Variants in TMEM196 observed in about 807,000 individuals in gnomAD.
TMEM196 encodes the protein transmembrane protein 196.
In TMEM196, 17 loss-of-function variants were observed where a neutral mutation model predicts 20.0. The observed-to-expected ratio is 0.85, with a 90% CI of 0.58 to 1.27. The LOEUF (loss-of-function observed/expected upper bound fraction) is 1.27, where lower values mean the gene tolerates loss of function less well. Ranked by LOEUF, TMEM196 falls within the 50% of genes most tolerant of loss-of-function variation. The pLI is 0.00. For synonymous variants in TMEM196, 113 were observed against 88.9 expected, an observed-to-expected ratio of 1.27 and a Z score of -1.52; for missense variants, 267 against 223.0, an observed-to-expected ratio of 1.20 and a Z score of -1.26.
chr7:19,763,132 A>G (rs1785497331), intron 1 of TMEM196, among the ~76,000 whole-genome samples: 1 of 152,092 alleles, frequency 6.6e-6, no homozygotes, highest in Non-Finnish European at 1.5e-5. Flanking sequence ...TTTTTATCCT[A>G]CTTCTGTTAC....
chr7:19,752,025 T>A (rs1370632980), intron 1 of TMEM196, among the ~76,000 whole-genome samples: 1 of 152,240 alleles, frequency 6.6e-6, no homozygotes, highest in East Asian at 1.9e-4. Flanking sequence ...CCAAAGGAAG[T>A]CTTCGAAATG....
At chr7:19,739,105 T>C (rs764645767) in intron 1 of TMEM196, among the ~76,000 whole-genome samples, 3 of 152,102 alleles carry the variant, frequency 2.0e-5, no homozygotes, top group East Asian at 1.9e-4. Context: ...GTGTTATACA[T>C]TGGAGCAGAG....
chr7:19,760,741 A>G (rs1785403699), intron 1 of TMEM196, among the ~76,000 whole-genome samples: 1 of 152,144 alleles, frequency 6.6e-6, no homozygotes, highest in Admixed American at 6.5e-5. Flanking sequence ...TTTTTTAATT[A>G]AGCAGCAGAA....
At chr7:19,729,256 GT>G (rs11401553) in intron 2 of TMEM196, 125 bp downstream of exon 2, 11,605 of 428,564 alleles carry the variant, frequency 0.027, no homozygotes, top group Middle Eastern at 0.036. Flanking sequence ...TTATTTGTCA[GT>G]TTTTTTTTTT....
intron 1 of TMEM196, among the ~76,000 whole-genome samples, chr7:19,761,241 ATTTC>A (rs1314898681): frequency 6.6e-6 from 1 of 152,114 alleles, no homozygotes; most frequent in Non-Finnish European, 1.5e-5. Flanking sequence ...TCCTATTTAT[ATTTC>A]TTTCTTTTCT....
chr7:19,757,896 A>G (rs990799468), intron 1 of TMEM196, among the ~76,000 whole-genome samples: 2 of 151,944 alleles, frequency 1.3e-5, no homozygotes, highest in Non-Finnish European at 2.9e-5. Flanking sequence ...ACCTTTTTAA[A>G]CATATAGGAT....
At chr7:19,740,839 A>G (rs746913944) in intron 1 of TMEM196, among the ~76,000 whole-genome samples, 1 of 152,186 alleles carries the variant, frequency 6.6e-6, no homozygotes, top group Non-Finnish European at 1.5e-5. Flanking sequence ...AGAGTAGTTT[A>G]TAAGAATTGA....
rs574150409 is a variant in TMEM196, at chr7:19,746,471, C to T, written c.148-17033G>A. ...TTTTCGAAGAATTGGAGTTCAGTGA[C>T]GTATATGTGGCACTATGTAATTCAT... On this transcript the variant is annotated intron_variant, in intron 1 of 4. Coordinates refer to ENST00000405844, the MANE Select transcript of TMEM196 (RefSeq NM_001363562.2). 4.6e-5 allele frequency among the ~76,000 whole-genome samples: 7 copies of T among 152,296 alleles called. No homozygotes were observed. The East Asian group carries it at 5.8e-4, about 13-fold the overall frequency.
intron 1 of TMEM196, among the ~76,000 whole-genome samples, chr7:19,733,054 G>A (rs539690901): frequency 1.3e-4 from 19 of 151,916 alleles, no homozygotes; most frequent in African/African-American, 4.6e-4. Flanking sequence ...TATTTGCGTT[G>A]ATCTTACTGT....
chr7:19,731,579 G>T (rs111846948), intron 1 of TMEM196, among the ~76,000 whole-genome samples: 1 of 152,158 alleles, frequency 6.6e-6, no homozygotes, highest in African/African-American at 2.4e-5. Flanking sequence ...GAACTCATTC[G>T]AAAAGAATTT....
At chr7:19,726,642 T>G (rs1043185532) in intron 2 of TMEM196, among the ~76,000 whole-genome samples, 3 of 152,022 alleles carry the variant, frequency 2.0e-5, no homozygotes, top group Non-Finnish European at 2.9e-5. Context: ...GCTAGGGGGG[T>G]TTAATCAACA....
In TMEM196 at chr7:19,720,779, A is replaced by T. The variant is rs950517511; in HGVS notation, c.*1349T>A. 9.9e-5 allele frequency: 15 copies of T among 151,876 alleles called. No individual in the cohort carries two copies. The highest frequency in any genetic ancestry group is 3.6e-4 in the African/African-American group (15 of 41,436). 9.4% of individuals were successfully genotyped at this position (151,876 alleles called of 1,614,324 possible). Reference sequence around the variant, plus strand: ...GATCTTTGGATATAGGCTTTCTTATATATGGACTGCCTATATTATTTCATG... The same window carrying T: ...GATCTTTGGATATAGGCTTTCTTATTTATGGACTGCCTATATTATTTCATG... On this transcript the variant is annotated 3_prime_UTR_variant, in exon 5 of 5. Coordinates refer to ENST00000405844, the MANE Select transcript of TMEM196 (RefSeq NM_001363562.2).
At chr7:19,764,432 T>A (rs1408720547) in intron 1 of TMEM196, among the ~76,000 whole-genome samples, 2 of 152,156 alleles carry the variant, frequency 1.3e-5, no homozygotes, top group Non-Finnish European at 2.9e-5. Context: ...CATGAACATG[T>A]CTCACCCTAA....
intron 1 of TMEM196, among the ~76,000 whole-genome samples, chr7:19,733,442 A>T (rs1369009832): frequency 1.3e-5 from 2 of 152,178 alleles, no homozygotes; most frequent in South Asian, 4.1e-4. Context: ...GTCTGACACT[A>T]TGTCACCTGT....
chr7:19,727,033 A>G (rs1266182268), intron 2 of TMEM196, among the ~76,000 whole-genome samples: 1 of 152,168 alleles, frequency 6.6e-6, no homozygotes, highest in East Asian at 1.9e-4. Flanking sequence ...CCTTTGTTGT[A>G]ATTCCCCAGG....
intron 1 of TMEM196, among the ~76,000 whole-genome samples, chr7:19,755,424 G>A (rs966366746): frequency 6.6e-6 from 1 of 152,194 alleles, no homozygotes; most frequent in Non-Finnish European, 1.5e-5. Flanking sequence ...TTCAGTGGGA[G>A]AAGTGGGAAA....
At chr7:19,738,413 G>A (rs1180001049) in intron 1 of TMEM196, among the ~76,000 whole-genome samples, 1 of 151,926 alleles carries the variant, frequency 6.6e-6, no homozygotes. Flanking sequence ...ACACACATTG[G>A]CATATACTCA....
Position 19,733,955 on chromosome 7 carries a change from G to A in TMEM196, c.148-4517C>T, listed in dbSNP as rs1784304116. Among the ~76,000 whole-genome samples the A allele has an allele frequency of 2.0e-5, 3 of 152,104 alleles. No homozygotes were observed. In the South Asian group the frequency reaches 6.2e-4, roughly 32 times the overall value. ...TCACTCACCATGAGTTAGCAGTTGG[G>A]AGTAACAACTGACAGCAGTCTACCA... is the stretch of plus-strand genomic sequence containing the variant. On this transcript the variant is annotated intron_variant, in intron 1 of 4. Transcript: ENST00000405844.
chr7:19,767,896 A>G (rs1468659966), intron 1 of TMEM196, among the ~76,000 whole-genome samples: 3 of 152,008 alleles, frequency 2.0e-5, no homozygotes, highest in African/African-American at 7.2e-5. Context: ...TTAAAAGCTT[A>G]AATATTAAAA....
Sources: allele counts gnomAD v4.1 joint callset (sites outside exome capture counted in the v4.1 genomes callset), GRCh38; gene constraint gnomAD v4.1.1; transcripts MANE v1.5; gene names NCBI Gene and HGNC (gene_info 2026-07-23, HGNC 2026-07-21).